Variants in TRPC7 observed in about 807,000 individuals in gnomAD.
The protein encoded by TRPC7 is transient receptor potential cation channel subfamily C member 7, also known as short transient receptor potential channel 7.
A neutral mutation model predicts 90.1 loss-of-function variants in TRPC7; 42 were observed. The ratio of observed to expected loss-of-function variants is 0.47; its 90% CI spans 0.36 to 0.60. The LOEUF (loss-of-function observed/expected upper bound fraction) is 0.60, where lower values mean the gene tolerates loss of function less well. Among genes scored for constraint, TRPC7 ranks in the 20% least tolerant of loss-of-function variants. The pLI is 0.00. For synonymous variants in TRPC7, 451 were observed against 436.3 expected (o/e 1.03, Z -0.42); for missense variants, 955 against 1,112.3 (o/e 0.86, Z 2.01).
chr5:136,252,523 A>C (rs1380878132), intron 5 of TRPC7, among the ~76,000 whole-genome samples: 4 of 152,108 alleles, frequency 2.6e-5, no homozygotes, highest in Non-Finnish European at 5.9e-5. Context: ...GAAGTATATA[A>C]ACAAAATGTT....
intron 3 of TRPC7, among the ~76,000 whole-genome samples, chr5:136,300,061 G>A (rs992777070): frequency 2.6e-5 from 4 of 152,130 alleles, no homozygotes; most frequent in African/African-American, 9.7e-5. Flanking sequence ...ATGCTTTAAA[G>A]GATTATCCTT....
intron 1 of TRPC7, among the ~76,000 whole-genome samples, chr5:136,363,318 G>A (rs759951489): frequency 5.9e-5 from 9 of 152,020 alleles, no homozygotes; most frequent in Non-Finnish European, 1.0e-4. Context: ...GATAGTGAAC[G>A]TAAACTATTT....
At chr5:136,272,464 C>A (rs183871656) in intron 4 of TRPC7, among the ~76,000 whole-genome samples, 167 of 152,252 alleles carry the variant, frequency 1.1e-3, no homozygotes, top group African/African-American at 3.9e-3. Flanking sequence ...TTTTATCTGT[C>A]CTTTGGCTGC....
chr5:136,315,580 G>A lies in TRPC7; in HGVS notation c.963+17C>T, dbSNP rs553540459. The A allele has an allele frequency of 2.1e-5, 34 of 1,612,806 alleles. No homozygotes were observed. The Admixed American group carries it at 4.8e-4, about 23-fold the overall frequency. On this transcript the variant is annotated intron_variant, in intron 3 of 11. Transcript: ENST00000513104. The stretch of plus-strand genomic sequence containing the variant: ...GAGAGGTGAGATGGGAAGACCAGGA[G>A]AGATGGGGGAGCTTACCTTCTTGAC...
At chr5:136,243,327 G>T (rs1756226515) in intron 7 of TRPC7, among the ~76,000 whole-genome samples, 1 of 152,054 alleles carries the variant, frequency 6.6e-6, no homozygotes, top group Non-Finnish European at 1.5e-5. Context: ...GCAGGAATGG[G>T]GTTGGGGGGA....
rs570663026 is a variant in TRPC7, at chr5:136,330,745, A to C, written c.781-14966T>G. ...GTCCACCCCACGCTAAGTCACCAGC[A>C]GGTGTGTGGCAACAATTGGAAAATC... is the stretch of plus-strand genomic sequence containing the variant. On this transcript the variant is annotated intron_variant, in intron 2 of 11. Coordinates refer to ENST00000513104, the MANE Select transcript of TRPC7 (RefSeq NM_020389.3). Among the ~76,000 whole-genome samples the C allele has an allele frequency of 2.2e-3, 330 of 152,350 alleles. 2 individuals carry two copies. Among genetic ancestry groups the C allele is most frequent in the Non-Finnish European group, 3.9e-3 (266 of 68,034 alleles).
At chr5:136,301,458 T>C (rs1343671837) in intron 3 of TRPC7, among the ~76,000 whole-genome samples, 7 of 148,064 alleles carry the variant, frequency 4.7e-5, no homozygotes. Flanking sequence ...TAACTGAAGA[T>C]CCACAAAAGA....
intron 3 of TRPC7, among the ~76,000 whole-genome samples, chr5:136,302,018 C>G (rs771596036): frequency 2.6e-5 from 4 of 152,232 alleles, no homozygotes; most frequent in African/African-American, 9.6e-5. Flanking sequence ...CAACCTCCCT[C>G]ACTATCCCTC....
chr5:136,240,554 T>C (rs188193863), intron 7 of TRPC7, among the ~76,000 whole-genome samples: 156 of 152,342 alleles, frequency 1.0e-3, no homozygotes, highest in African/African-American at 3.7e-3. Flanking sequence ...ATCAGCAGGT[T>C]CTCAATGGTA....
At chr5:136,347,376 A>G (rs1224270789) in intron 2 of TRPC7, among the ~76,000 whole-genome samples, 1 of 152,234 alleles carries the variant, frequency 6.6e-6, no homozygotes, top group African/African-American at 2.4e-5. Flanking sequence ...AGTCCCATGA[A>G]GGCAAGGAAA....
Position 136,249,037 on chromosome 5 carries a change from T to C in TRPC7, c.1580-1302A>G, listed in dbSNP as rs1042514172. On this transcript the variant is annotated intron_variant, in intron 6 of 11. Coordinates refer to ENST00000513104, the MANE Select transcript of TRPC7 (RefSeq NM_020389.3). ...TGAGTGAAATATTAATTGAGAAGCA[T>C]TGAGAAACCTAAATTAGCACTTACA... Among the ~76,000 whole-genome samples the C allele has an allele frequency of 5.9e-5, 9 of 152,316 alleles. No individual in the cohort carries two copies. In the South Asian group the frequency reaches 1.2e-3, roughly 21 times the overall value.
intron 3 of TRPC7, among the ~76,000 whole-genome samples, chr5:136,275,695 C>T (rs981867585): frequency 2.6e-5 from 4 of 152,188 alleles, no homozygotes; most frequent in Admixed American, 2.0e-4. Flanking sequence ...CCTGCCCTCA[C>T]CCCTGGATTC....
intron 5 of TRPC7, among the ~76,000 whole-genome samples, chr5:136,261,748 G>A (rs139809244): frequency 6.6e-6 from 1 of 152,330 alleles, no homozygotes; most frequent in Non-Finnish European, 1.5e-5. Flanking sequence ...CACATTCATA[G>A]TTACAATGAT....
intron 4 of TRPC7, among the ~76,000 whole-genome samples, chr5:136,268,517 A>G (rs1428661172): frequency 1.3e-5 from 2 of 152,196 alleles, no homozygotes; most frequent in African/African-American, 4.8e-5. Context: ...GATATGGGGT[A>G]TACCTCTCCA....
chr5:136,339,987 T>C (rs1580973834), intron 2 of TRPC7, among the ~76,000 whole-genome samples: 1 of 152,076 alleles, frequency 6.6e-6, no homozygotes, highest in Admixed American at 6.6e-5. Context: ...CTTTGAGGAA[T>C]TGAAGTCAGT....
intron 7 of TRPC7, among the ~76,000 whole-genome samples, chr5:136,239,296 T>C (rs1756083823): frequency 6.6e-6 from 1 of 152,246 alleles, no homozygotes; most frequent in Admixed American, 6.5e-5. Flanking sequence ...CGGTCCTGAC[T>C]TGAATTTATA....
intron 7 of TRPC7, among the ~76,000 whole-genome samples, chr5:136,243,366 G>T (rs1015894190): frequency 6.6e-6 from 1 of 152,118 alleles, no homozygotes; most frequent in Non-Finnish European, 1.5e-5. Flanking sequence ...GGGGATACCT[G>T]CAGTGTGCTC....
At chr5:136,280,446 TTGAG>T (rs1367858574) in intron 3 of TRPC7, among the ~76,000 whole-genome samples, 2 of 152,216 alleles carry the variant, frequency 1.3e-5, no homozygotes, top group African/African-American at 4.8e-5. Context: ...TAAACTTCTG[TTGAG>T]TGATTGATAA....
intron 3 of TRPC7, among the ~76,000 whole-genome samples, chr5:136,313,416 T>TATC (rs1167118131): frequency 6.6e-6 from 1 of 152,042 alleles, no homozygotes; most frequent in Non-Finnish European, 1.5e-5. Flanking sequence ...TCTATCTATC[T>TATC]ATCTGTCTAT....
Sources: gnomAD v4.1 joint callset for allele counts (sites outside exome capture counted in the v4.1 genomes callset) on GRCh38, gnomAD v4.1.1 for gene constraint, MANE v1.5 for transcripts, NCBI Gene and HGNC (gene_info 2026-07-23, HGNC 2026-07-21) for gene names.